The following MBOAT1 variants were observed in gnomAD, a reference collection of about 807,000 sequenced individuals.
MBOAT1 encodes the protein membrane-bound glycerophospholipid O-acyltransferase 1.
In MBOAT1, 67 loss-of-function variants were observed where a neutral mutation model predicts 64.4. The observed-to-expected ratio is 1.04, with a 90% confidence interval of 0.85 to 1.27. The LOEUF (loss-of-function observed/expected upper bound fraction) is 1.27. MBOAT1 is among the 50% of genes most tolerant of loss of function. The probability of loss-of-function intolerance (pLI) is 0.00; values close to 1 mark genes in which losing one functional copy is unlikely to be tolerated. For synonymous variants in MBOAT1, 229 were observed against 218.9 expected (o/e 1.05, Z -0.41); for missense variants, 563 against 604.6 (o/e 0.93, Z 0.72).
intron 9 of MBOAT1, among the ~76,000 whole-genome samples, chr6:20,116,419 C>T (rs1760320715): frequency 1.3e-5 from 2 of 152,102 alleles, no homozygotes; most frequent in Admixed American, 6.5e-5. Context: ...AGTCTAAGTG[C>T]CACTTTTTTC....
chr6:20,120,208 C>T (rs1280363383), intron 8 of MBOAT1, among the ~76,000 whole-genome samples: 1 of 152,060 alleles, frequency 6.6e-6, no homozygotes, highest in Non-Finnish European at 1.5e-5. Context: ...CATCTAACGT[C>T]TAAAAACCTG....
At position 20,100,751 on chromosome 6, in the gene MBOAT1, T is replaced by C. The variant is rs1027607576; in HGVS notation, c.*1535A>G. 6.6e-6 allele frequency among the ~76,000 whole-genome samples: 1 copy of C among 152,214 alleles called. No homozygotes were observed. The highest frequency in any genetic ancestry group is 2.4e-5 in the African/African-American group (1 of 41,460). On this transcript the variant is annotated 3_prime_UTR_variant, in exon 13 of 13. Transcript: ENST00000324607. ...CTGTTTATTCAATAAGAAATTAATTTTTTATCGTTGGATTTGAATAAATTT... is the reference window on the plus strand; with the variant it reads ...CTGTTTATTCAATAAGAAATTAATTCTTTATCGTTGGATTTGAATAAATTT...
chr6:20,186,268 T>C (rs189248232), intron 1 of MBOAT1, among the ~76,000 whole-genome samples: 54 of 152,346 alleles, frequency 3.5e-4, no homozygotes, highest in South Asian at 2.5e-3. Flanking sequence ...CTTGCTTATA[T>C]GCAACATGTA....
At chr6:20,186,262 C>T (rs1183150896) in intron 1 of MBOAT1, among the ~76,000 whole-genome samples, 3 of 152,168 alleles carry the variant, frequency 2.0e-5, no homozygotes, top group African/African-American at 7.2e-5. Context: ...CAAAGTCTTG[C>T]TTATATGCAA....
intron 8 of MBOAT1, among the ~76,000 whole-genome samples, chr6:20,124,100 A>G (rs1760580309): frequency 6.6e-6 from 1 of 152,076 alleles, no homozygotes; most frequent in African/African-American, 2.4e-5. Flanking sequence ...ATTTCCCCTC[A>G]ACTTTCCACT....
chr6:20,156,105 A>T (rs1481539236), intron 1 of MBOAT1, among the ~76,000 whole-genome samples: 1 of 147,586 alleles, frequency 6.8e-6, no homozygotes, highest in Non-Finnish European at 1.5e-5. Flanking sequence ...CGTCTCTACT[A>T]AAAAAAATAC....
rs199830796 is a variant in MBOAT1 at position 20,112,967 on chromosome 6, G to A, written c.1118C>T (p.Thr373Ile). The A allele has an allele frequency of 2.8e-5, 46 of 1,614,134 alleles. No individual in the cohort carries two copies. The East Asian group carries it at 8.9e-4, about 31-fold the overall frequency. Residue 373 changes from threonine (T) to isoleucine (I), a missense_variant, in exon 11 of 13, where the codon ACC becomes ATC. Transcript: ENST00000324607. ...ATGCCACAAAGCAGACAGGATGAAG[G>A]TTAGCACCGTGGGGTACCATGGAAC... ...QRVPWYPTVL[T>I]FILSALWHGV...
chr6:20,111,722 CCT>C (rs1460448544), intron 11 of MBOAT1, among the ~76,000 whole-genome samples: 6 of 150,088 alleles, frequency 4.0e-5, no homozygotes, highest in African/African-American at 9.8e-5. Flanking sequence ...AAATGTCTCC[CCT>C]GTTTTCTATG....
At chr6:20,115,147 C>T in intron 10 of MBOAT1, 141 bp downstream of exon 10, 1 of 696,036 alleles carries the variant, frequency 1.4e-6, no homozygotes, top group Non-Finnish European at 2.6e-6. Flanking sequence ...TCTACTTTAT[C>T]ATTTACAGGG....
intron 10 of MBOAT1, among the ~76,000 whole-genome samples, chr6:20,113,838 T>C (rs1015576778): frequency 1.9e-4 from 28 of 150,446 alleles, no homozygotes; most frequent in African/African-American, 6.8e-4. Flanking sequence ...AAATAAATAA[T>C]AATAAAAAAA....
At chr6:20,110,621 C>T (rs567920181) in intron 11 of MBOAT1, among the ~76,000 whole-genome samples, 1 of 152,082 alleles carries the variant, frequency 6.6e-6, no homozygotes, top group South Asian at 2.1e-4. Flanking sequence ...TTTTTTAACA[C>T]CTCCCAAAGG....
At position 20,112,924 on chromosome 6, in the gene MBOAT1, G is replaced by C; in HGVS notation, c.1161C>G (p.Tyr387Ter). Residue 387 changes from tyrosine (Y) to a stop codon, truncating the protein, a stop_gained, in exon 11 of 13, where the codon TAC becomes TAG. Coordinates refer to ENST00000324607, the MANE Select transcript of MBOAT1 (RefSeq NM_001080480.3). LOFTEE classifies it high-confidence loss of function. ...GAATTCCAGTTAAGAAGGTAAAATA[G>C]TATCCAGGGTAGACACCATGCCACA... Reference protein sequence around the residue: ...SALWHGVYPGYYFTFLTGILV... With the variant: ...SALWHGVYPG The C allele has an allele frequency of 1.2e-6, 2 of 1,614,118 alleles. No homozygotes were observed. Among genetic ancestry groups the C allele is most frequent in the Non-Finnish European group, 1.7e-6 (2 of 1,179,994 alleles).
chr6:20,170,232 C>G (rs1304810275), intron 1 of MBOAT1, among the ~76,000 whole-genome samples: 3 of 152,216 alleles, frequency 2.0e-5, no homozygotes, highest in East Asian at 1.9e-4. Context: ...CCTCCAAATA[C>G]CATGCCTTCC....
chr6:20,188,653 G>A (rs1375508477), intron 1 of MBOAT1, among the ~76,000 whole-genome samples: 2 of 152,130 alleles, frequency 1.3e-5, no homozygotes, highest in African/African-American at 4.8e-5. Context: ...TTTGCATAAG[G>A]TGTGAATTTC....
At chr6:20,178,263 G>A (rs1015059592) in intron 1 of MBOAT1, among the ~76,000 whole-genome samples, 1 of 151,078 alleles carries the variant, frequency 6.6e-6, no homozygotes, top group Non-Finnish European at 1.5e-5. Context: ...CATTTAAATT[G>A]GACCATTCCA....
chr6:20,139,534 T>C, intron 4 of MBOAT1, among the ~76,000 whole-genome samples: 1 of 140,436 alleles, frequency 7.1e-6, no homozygotes. Context: ...AAAAATACAC[T>C]CACATTTTAA....
At chr6:20,196,820 C>T (rs917648603) in intron 1 of MBOAT1, among the ~76,000 whole-genome samples, 2 of 151,380 alleles carry the variant, frequency 1.3e-5, no homozygotes, top group African/African-American at 4.9e-5. Flanking sequence ...GAGAGAGCAC[C>T]ATTTGCACTC....
intron 4 of MBOAT1, among the ~76,000 whole-genome samples, chr6:20,131,614 G>A (rs1760831120): frequency 6.6e-6 from 1 of 152,196 alleles, no homozygotes; most frequent in South Asian, 2.1e-4. Context: ...CATGAGAACG[G>A]ACTAATACAG....
intron 9 of MBOAT1, among the ~76,000 whole-genome samples, chr6:20,115,839 T>C (rs1282223717): frequency 6.6e-6 from 1 of 152,098 alleles, no homozygotes; most frequent in Admixed American, 6.5e-5. Context: ...GGTTCCAATG[T>C]TTCCAATTGT....
Sources: gnomAD v4.1 joint callset for allele counts (sites outside exome capture counted in the v4.1 genomes callset) on GRCh38, gnomAD v4.1.1 for gene constraint, MANE v1.5 for transcripts, NCBI Gene and HGNC (gene_info 2026-07-23, HGNC 2026-07-21) for gene names.